SNAPC5: variants seen among roughly 807,000 people sequenced by gnomAD.
The protein encoded by SNAPC5 is small nuclear RNA activating complex polypeptide 5.
A neutral mutation model predicts 9.1 loss-of-function variants in SNAPC5; 12 were observed. The observed-to-expected ratio is 1.32, with a 90% CI of 0.85 to 2.15. The LOEUF (loss-of-function observed/expected upper bound fraction) is 2.15. Among genes scored for constraint, SNAPC5 ranks in the 30% most tolerant of loss-of-function variants. SNAPC5 has a pLI of 0.00. For missense variants in SNAPC5, 132 were observed against 114.4 expected, an observed-to-expected ratio of 1.15 and a Z score of -0.70; for synonymous variants, 52 against 47.3, an observed-to-expected ratio of 1.10 and a Z score of -0.41.
At chr15:66,491,929 G>C, downstream of SNAPC5, 1 of 455,368 alleles carries the variant, frequency 2.2e-6, no homozygotes, top group Non-Finnish European at 4.4e-6. Context: ...ACCAATAGTT[G>C]AGCTGAGGGC....
intron 1 of SNAPC5, 99 bp downstream of exon 1, chr15:66,497,543 G>A (rs376677944): frequency 9.8e-6 from 10 of 1,023,810 alleles, no homozygotes; most frequent in Non-Finnish European, 1.6e-5. Flanking sequence ...GAGTAGCGGA[G>A]AACTGGCCGC....
intron 2 of SNAPC5, 30 bp from the exon 3 acceptor site, chr15:66,494,582 C>G: frequency 6.7e-7 from 1 of 1,502,788 alleles, no homozygotes. Flanking sequence ...CACAGATTAG[C>G]AGGAAAGATG....
At chr15:66,490,764 T>C (rs1224284436), downstream of SNAPC5, 1 of 712,666 alleles carries the variant, frequency 1.4e-6, no homozygotes, top group Admixed American at 2.0e-5. Flanking sequence ...ATTCTACTCT[T>C]GTCATTTTTA....
intron 1 of SNAPC5, 21 bp downstream of exon 1, chr15:66,497,621 A>G: frequency 1.2e-6 from 2 of 1,609,342 alleles, no homozygotes; most frequent in Non-Finnish European, 1.7e-6. Flanking sequence ...GAGGAGGGGC[A>G]GGAGAGGGCC....
intron 1 of SNAPC5, among the ~76,000 whole-genome samples, chr15:66,495,767 T>C (rs1893409056): frequency 6.6e-6 from 1 of 152,224 alleles, no homozygotes; most frequent in Non-Finnish European, 1.5e-5. Context: ...CTGAGGCTGT[T>C]ACTCAGTAAT....
downstream of SNAPC5, chr15:66,490,651 C>T (rs574828384): frequency 1.2e-5 from 19 of 1,538,808 alleles, no homozygotes; most frequent in South Asian, 8.9e-5. Flanking sequence ...GTCCCCTGCC[C>T]GGTGGTTTGC....
rs1229998954 is a variant in SNAPC5, at chr15:66,494,546, C to A, written c.187G>T (p.Val63Leu). Residue 63 changes from valine to leucine, a missense_variant, in exon 3 of 3, where the codon GTG becomes TTG. Transcript: ENST00000316634. ...ATTGATGCTTCATTGTCTACATGCA[C>A]CAACATCTGTATTGGCCAAGGGCAT... ...TVPEQSHDML[V>L]HVDNEASINQ... 6.2e-7 allele frequency: 1 copy of A among 1,611,998 alleles called. No homozygotes were observed. Among genetic ancestry groups the A allele is most frequent in the African/African-American group, 1.3e-5 (1 of 74,856 alleles).
At chr15:66,497,434 T>C (rs1893473935) in intron 1 of SNAPC5, 1 of 613,148 alleles carries the variant, frequency 1.6e-6, no homozygotes, top group Non-Finnish European at 3.0e-6. Flanking sequence ...GAGGTCACGA[T>C]TCTGAAAGAT....
intron 2 of SNAPC5, 33 bp from the exon 3 acceptor site, chr15:66,494,585 G>T: frequency 6.7e-7 from 1 of 1,482,116 alleles, no homozygotes; most frequent in Non-Finnish European, 9.4e-7. Flanking sequence ...AGATTAGCAG[G>T]AAAGATGCTG....
At chr15:66,490,742 G>C (rs771988141), downstream of SNAPC5, 1 of 744,126 alleles carries the variant, frequency 1.3e-6, no homozygotes, top group Non-Finnish European at 2.4e-6. Context: ...GAAGAACACA[G>C]CATGTGCCAA....
downstream of SNAPC5, chr15:66,492,053 A>C: frequency 2.2e-6 from 1 of 456,608 alleles, no homozygotes; most frequent in Non-Finnish European, 4.4e-6. Context: ...CCTTTGCGAC[A>C]TTAAGCAATG....
At chr15:66,491,648 T>C (rs1595890265), downstream of SNAPC5, 1 of 220,346 alleles carries the variant, frequency 4.5e-6, no homozygotes, top group East Asian at 1.0e-4. Context: ...AGGAGGAGGC[T>C]GGAAGGCAGA....
intron 1 of SNAPC5, 114 bp downstream of exon 1, chr15:66,497,528 C>CT (rs750044718): frequency 7.7e-6 from 7 of 908,306 alleles, no homozygotes; most frequent in Non-Finnish European, 5.6e-6. Context: ...GCCACCACAG[C>CT]TAGTGAGTAG....
Position 66,495,388 on chromosome 15 carries a change from C to A in SNAPC5, c.122G>T (p.Ser41Ile), listed in dbSNP as rs754988020. 1 of 1,607,674 alleles carries A rather than the reference C, an allele frequency of 6.2e-7. No homozygotes were observed. The highest frequency in any genetic ancestry group is 8.5e-7 in the Non-Finnish European group (1 of 1,174,154). Reference protein sequence around the residue: ...VEELALQSMISSRRGDEMLSS... With the variant: ...VEELALQSMIISRRGDEMLSS... Reference sequence around the variant, plus strand: ...CAGCATCTCATCCCCTCTTCTAGAACTGATCATTGATTGGAGGGCTAATTC... The same window carrying A: ...CAGCATCTCATCCCCTCTTCTAGAAATGATCATTGATTGGAGGGCTAATTC... The change falls in exon 2 of 3, where the codon AGT becomes ATT. Residue 41 changes from serine (S) to isoleucine (I), a missense_variant. By Grantham distance (142) the Ser-to-Ile change is moderately radical. Coordinates refer to ENST00000316634, the MANE Select transcript of SNAPC5 (RefSeq NM_001329615.2).
At chr15:66,490,430 A>G (rs1893214028), downstream of SNAPC5, 1 of 1,134,746 alleles carries the variant, frequency 8.8e-7, no homozygotes, top group Middle Eastern at 1.9e-4. Context: ...AAACTCTTGG[A>G]TTTTCCTTCC....
At chr15:66,490,412 T>TAG, downstream of SNAPC5, 1 of 952,246 alleles carries the variant, frequency 1.1e-6, no homozygotes, top group South Asian at 1.3e-5. Flanking sequence ...GCACAAGCTC[T>TAG]AGACCTGAAA....
At chr15:66,490,401 AG>A (rs1165914393), downstream of SNAPC5, 1 of 885,384 alleles carries the variant, frequency 1.1e-6, no homozygotes, top group African/African-American at 1.6e-5. Context: ...TTCCAAGTGC[AG>A]CACAAGCTCT....
chr15:66,489,851 A>G, downstream of SNAPC5: 1 of 1,116,766 alleles, frequency 9.0e-7, no homozygotes, highest in Non-Finnish European at 1.4e-6. Flanking sequence ...TCCAGAGCCC[A>G]TTCATTCCCT....
At chr15:66,494,582 C>T in intron 2 of SNAPC5, 30 bp from the exon 3 acceptor site, 2 of 1,502,788 alleles carry the variant, frequency 1.3e-6, no homozygotes, top group Non-Finnish European at 1.8e-6. Context: ...CACAGATTAG[C>T]AGGAAAGATG....
Sources: allele counts gnomAD v4.1 joint callset (sites outside exome capture counted in the v4.1 genomes callset), GRCh38; gene constraint gnomAD v4.1.1; transcripts MANE v1.5; gene names NCBI Gene and HGNC (gene_info 2026-07-23, HGNC 2026-07-21).